Variants in SMG1 observed in about 807,000 individuals in gnomAD.
The protein encoded by SMG1 is SMG1 nonsense mediated mRNA decay associated PI3K related kinase.
In SMG1, 22 loss-of-function variants were observed where a neutral mutation model predicts 419.9. The ratio of observed to expected loss-of-function variants is 0.05; its 90% CI spans 0.04 to 0.07. The LOEUF (loss-of-function observed/expected upper bound fraction) is 0.07, where lower values mean the gene tolerates loss of function less well. Among genes scored for constraint, SMG1 ranks in the 10% least tolerant of loss-of-function variants. SMG1 has a pLI of 1.00. For synonymous variants in SMG1, 1,538 were observed against 1,553.5 expected (o/e 0.99, Z 0.23); for missense variants, 3,185 against 4,342.0 (o/e 0.73, Z 7.49).
chr16:18,922,914 T>C (rs1183343113), intron 1 of SMG1, among the ~76,000 whole-genome samples: 2 of 152,144 alleles, frequency 1.3e-5, no homozygotes, highest in African/African-American at 2.4e-5. Context: ...AAACCCCATC[T>C]CTACAAAAAA....
chr16:18,913,017 G>A (rs1383068834), intron 1 of SMG1, among the ~76,000 whole-genome samples: 5 of 151,994 alleles, frequency 3.3e-5, no homozygotes, highest in African/African-American at 1.2e-4. Context: ...TATGAATTCT[G>A]GGTGATATTG....
chr16:18,917,553 C>T (rs1209785380), intron 1 of SMG1, among the ~76,000 whole-genome samples: 4 of 151,964 alleles, frequency 2.6e-5, no homozygotes, highest in African/African-American at 4.8e-5. Context: ...TTCTCTTGCA[C>T]ATGCATGCAC....
At chr16:18,895,908 GA>G (rs2037102911) in intron 3 of SMG1, 143 bp downstream of exon 3, 29 of 809,652 alleles carry the variant, frequency 3.6e-5, no homozygotes, top group Non-Finnish European at 5.4e-5. Context: ...TTTCTAGTGG[GA>G]AATGAATGTA....
Position 18,864,003 on chromosome 16 carries a change from A to T in SMG1, c.3492T>A (p.Asn1164Lys). The change falls in exon 24 of 63, where the codon AAT becomes AAA. Residue 1164 changes from asparagine to lysine, a missense_variant and splice_region_variant. Physicochemically the swap from Asn to Lys is moderately conservative, Grantham distance 94. This residue lies in a region of SMG1 where 121 missense variants were observed against 125.4 expected (regional missense o/e 0.96). Coordinates refer to ENST00000446231, the MANE Select transcript of SMG1 (RefSeq NM_015092.5). ...RNSASPKHSL[N>K]GESRKTVLSK... ...TATTTAAAAATACTGAACGCTCACC[A>T]TTCAGAGAATGTTTCGGGCTGGCAC... 6.5e-7 allele frequency: 1 copy of T among 1,549,916 alleles called. No individual in the cohort carries two copies. Among genetic ancestry groups the T allele is most frequent in the Non-Finnish European group, 8.7e-7 (1 of 1,146,942 alleles).
chr16:18,913,661 C>A (rs1375494544), intron 1 of SMG1, among the ~76,000 whole-genome samples: 2 of 151,962 alleles, frequency 1.3e-5, no homozygotes, highest in African/African-American at 4.8e-5. Flanking sequence ...TTAACAACTT[C>A]TTAAAAACCT....
intron 6 of SMG1, among the ~76,000 whole-genome samples, chr16:18,888,671 T>C (rs2036744934): frequency 6.6e-6 from 1 of 151,796 alleles, no homozygotes; most frequent in Non-Finnish European, 1.5e-5. Flanking sequence ...TTTCACCATG[T>C]TGGCCTGGAT....
intron 62 of SMG1, among the ~76,000 whole-genome samples, chr16:18,810,648 AG>A (rs1189836877): frequency 2.0e-5 from 3 of 152,230 alleles, no homozygotes; most frequent in Admixed American, 6.5e-5. Flanking sequence ...TGAAGGTCGG[AG>A]GAACAGGGGG....
intron 50 of SMG1, among the ~76,000 whole-genome samples, chr16:18,833,525 T>C (rs2033350978): frequency 6.6e-6 from 1 of 151,906 alleles, no homozygotes; most frequent in African/African-American, 2.4e-5. Flanking sequence ...AGCATTGTTA[T>C]TCTCTTTTTG....
At chr16:18,915,976 G>A (rs1349835244) in intron 1 of SMG1, among the ~76,000 whole-genome samples, 1 of 142,872 alleles carries the variant, frequency 7.0e-6, no homozygotes, top group Non-Finnish European at 1.5e-5. Flanking sequence ...GGCTGAGGCA[G>A]AAGAATCACT....
intron 1 of SMG1, among the ~76,000 whole-genome samples, chr16:18,922,427 C>G (rs187906704): frequency 6.6e-6 from 1 of 152,226 alleles, no homozygotes; most frequent in African/African-American, 2.4e-5. Flanking sequence ...TTGAGGAACC[C>G]ATAGATTTCA....
At position 18,816,356 on chromosome 16, in the gene SMG1, A is replaced by G. The variant is rs775075597; in HGVS notation, c.10248T>C (p.Thr3416=). ...NLVDNIKTVL[T]GHNRQLGDVK... The stretch of plus-strand genomic sequence containing the variant: ...CATCTCCAAGCTGTCGGTTATGACC[A>G]GTGAGCACAGTCTTTATATTATCAA... The change falls in exon 58 of 63, where the codon ACT becomes ACC. Residue 3416 remains threonine, a synonymous_variant. Transcript: ENST00000446231. 6.2e-7 allele frequency: 1 copy of G among 1,613,984 alleles called. No individual in the cohort carries two copies. Among genetic ancestry groups the G allele is most frequent in the Non-Finnish European group, 8.5e-7 (1 of 1,179,864 alleles).
chr16:18,848,154 C>G, intron 36 of SMG1, 121 bp from the exon 37 acceptor site: 4 of 789,260 alleles, frequency 5.1e-6, no homozygotes, highest in Non-Finnish European at 8.2e-6. Flanking sequence ...CATTTGCCTT[C>G]CAGGCATAGA....
intron 54 of SMG1, 93 bp downstream of exon 54, chr16:18,829,193 A>G: frequency 8.7e-7 from 1 of 1,144,740 alleles, no homozygotes; most frequent in Non-Finnish European, 1.2e-6. Flanking sequence ...AGGAAGTTTT[A>G]AAAAAATTTC....
At chr16:18,814,903 CTGTT>C (rs1402379572) in intron 60 of SMG1, among the ~76,000 whole-genome samples, 2 of 117,032 alleles carry the variant, frequency 1.7e-5, no homozygotes, top group African/African-American at 3.3e-5. Context: ...TTTTTAATAG[CTGTT>C]TATTTATTTA....
In SMG1 at chr16:18,926,011, T is replaced by C. The variant is rs1214653667; in HGVS notation, c.31A>G (p.Ser11Gly). 6 of 1,579,446 alleles carry C rather than the reference T, an allele frequency of 3.8e-6. No homozygotes were observed. In the South Asian group the frequency reaches 5.7e-5, roughly 15 times the overall value. MSRRAPGSRL[S>G]SGGGGGGTKY... Reference sequence around the variant, plus strand: ...GTGCCGCCGCCGCCGCCGCCGCTGCTCAGCCGAGACCCCGGGGCTCTGCGG... The same window carrying C: ...GTGCCGCCGCCGCCGCCGCCGCTGCCCAGCCGAGACCCCGGGGCTCTGCGG... The change falls in exon 1 of 63, where the codon AGC (serine) becomes GGC (glycine). Residue 11 changes from serine to glycine, a missense_variant. This residue lies in a region of SMG1 where 88 missense variants were observed against 85.9 expected (regional missense o/e 1.02). Coordinates refer to ENST00000446231, the MANE Select transcript of SMG1 (RefSeq NM_015092.5).
Position 18,876,318 on chromosome 16 carries a change from T to C in SMG1, c.1696A>G (p.Lys566Glu). ...CAAGTCATTTCTCCCAATATTAACT[T>C]ATAGGCAGTCTCCAAAACAGGAATA... is the stretch of plus-strand genomic sequence containing the variant. Reference protein sequence around the residue: ...KNIPVLETAYKLILGEMTCAL... With the variant: ...KNIPVLETAYELILGEMTCAL... Residue 566 changes from lysine to glutamate, a missense_variant, in exon 13 of 63, where the codon AAG (lysine) becomes GAG (glutamate). Lys to Glu is a moderately conservative substitution (Grantham distance 56). Coordinates refer to ENST00000446231, the MANE Select transcript of SMG1 (RefSeq NM_015092.5). 1 of 1,611,734 alleles carries C rather than the reference T, an allele frequency of 6.2e-7. No individual in the cohort carries two copies. Among genetic ancestry groups the C allele is most frequent in the Non-Finnish European group, 8.5e-7 (1 of 1,179,690 alleles).
rs767958415 is a variant in SMG1 at position 18,828,154 on chromosome 16, A to G, written c.9618T>C (p.Asp3206=). 6.2e-7 allele frequency: 1 copy of G among 1,613,188 alleles called. No individual in the cohort carries two copies. Among genetic ancestry groups the G allele is most frequent in the African/African-American group, 1.3e-5 (1 of 74,844 alleles). ...TGGCTTGTGGTCTATTGATAAGTAG[A>G]TCTTCATGTTGCCACTGTTGAGAGA... ...HIAMFQWQHE[D]LLINRPQAMS... The change falls in exon 55 of 63, where the codon GAT becomes GAC. Residue 3206 remains aspartate (D), a synonymous_variant. Transcript: ENST00000446231.
At chr16:18,874,887 AAAAAAAAAAAAAAGCCTTTTTTTTTTT>A (rs1567408156) in intron 13 of SMG1, among the ~76,000 whole-genome samples, 1 of 92,454 alleles carries the variant, frequency 1.1e-5, no homozygotes, top group African/African-American at 3.9e-5. Context: ...AAAAAAAAAA[AAAAAAAAAAAAAAGCCTTTTTTTTTTT>A]TTTTTCCCCT....
At chr16:18,839,401 T>C (rs959249672) in intron 42 of SMG1, among the ~76,000 whole-genome samples, 1 of 152,112 alleles carries the variant, frequency 6.6e-6, no homozygotes, top group Non-Finnish European at 1.5e-5. Context: ...TGTCCATGTG[T>C]GCTCAATGTT....
Sources: allele counts gnomAD v4.1 joint callset (sites outside exome capture counted in the v4.1 genomes callset), GRCh38; gene constraint gnomAD v4.1.1; regional missense constraint gnomAD v4.1.1; transcripts MANE v1.5; gene names NCBI Gene and HGNC (gene_info 2026-07-23, HGNC 2026-07-21).